Variants in CFAP61 observed in about 807,000 individuals in gnomAD.
The protein encoded by CFAP61 is cilia- and flagella-associated protein 61.
A neutral mutation model predicts 135.6 loss-of-function variants in CFAP61; 107 were observed. That is an observed-to-expected ratio of 0.79 (90% confidence interval 0.67 to 0.93). The LOEUF is 0.93. Among genes scored for constraint, CFAP61 ranks in the 40% least tolerant of loss-of-function variants. CFAP61 has a pLI of 0.00. For synonymous variants in CFAP61, 575 were observed against 578.5 expected (o/e 0.99, Z 0.09); for missense variants, 1,507 against 1,556.2 (o/e 0.97, Z 0.53).
intron 26 of CFAP61, among the ~76,000 whole-genome samples, chr20:20,342,426 C>T (rs535021572): frequency 1.3e-5 from 2 of 152,198 alleles, no homozygotes; most frequent in Admixed American, 6.5e-5. Context: ...AAGGGCTGCA[C>T]GCTCAGCAAG....
At chr20:20,195,648 A>T (rs2056230708) in intron 15 of CFAP61, among the ~76,000 whole-genome samples, 1 of 152,160 alleles carries the variant, frequency 6.6e-6, no homozygotes, top group African/African-American at 2.4e-5. Context: ...ATGGGAAGAC[A>T]CTCATCAGTC....
At chr20:20,225,522 A>G (rs1183766972) in intron 17 of CFAP61, 1 of 152,200 alleles carries the variant, frequency 6.6e-6, no homozygotes, top group East Asian at 1.9e-4. Flanking sequence ...GTGGGAAACA[A>G]AAGCCATTCT....
At chr20:20,108,771 AGTT>A (rs11468049) in intron 8 of CFAP61, among the ~76,000 whole-genome samples, 98,989 of 151,690 alleles carry the variant, frequency 0.65, 32,495 homozygotes, top group East Asian at 0.83. Context: ...GCCAACATGA[AGTT>A]GTTGGAGCAC....
intron 25 of CFAP61, among the ~76,000 whole-genome samples, chr20:20,338,579 G>A (rs1406731511): frequency 3.3e-5 from 5 of 152,230 alleles, no homozygotes; most frequent in Non-Finnish European, 2.9e-5. Context: ...ACCTGCAGTC[G>A]CAGCACTCCT....
At chr20:20,348,797 T>TAA (rs36120926) in intron 26 of CFAP61, among the ~76,000 whole-genome samples, 1,548 of 127,152 alleles carry the variant, frequency 0.012, 8 homozygotes, top group Non-Finnish European at 0.018. Context: ...GTAAAAACAC[T>TAA]AAAAAAAAAA....
At chr20:20,297,001 A>G (rs183460501) in intron 24 of CFAP61, among the ~76,000 whole-genome samples, 220 of 152,124 alleles carry the variant, frequency 1.4e-3, no homozygotes, top group African/African-American at 4.9e-3. Context: ...TTGAAGCACC[A>G]TCCCCCAACC....
At position 20,078,296 on chromosome 20, in the gene CFAP61, G is replaced by A. The variant is rs77233474; in HGVS notation, c.566+2681G>A. ...CTGAGAGGAGGAGTCCATTCCATTG[G>A]TTTGGGGGAGCTTAGAATTTTATTT... On this transcript the variant is annotated intron_variant, in intron 6 of 26. Coordinates refer to ENST00000245957, the MANE Select transcript of CFAP61 (RefSeq NM_015585.4). 3.5e-3 allele frequency among the ~76,000 whole-genome samples: 536 copies of A among 152,284 alleles called. 2 individuals are homozygous for A. The highest frequency in any genetic ancestry group is 0.012 in the African/African-American group (516 of 41,540).
At chr20:20,081,262 C>G (rs2046409956) in intron 6 of CFAP61, among the ~76,000 whole-genome samples, 1 of 152,146 alleles carries the variant, frequency 6.6e-6, no homozygotes, top group Non-Finnish European at 1.5e-5. Context: ...TTACAACTGA[C>G]AAAGGCAAAT....
intron 8 of CFAP61, among the ~76,000 whole-genome samples, chr20:20,109,713 T>C (rs982675135): frequency 2.0e-5 from 3 of 152,216 alleles, no homozygotes; most frequent in African/African-American, 7.2e-5. Context: ...AAGTCATCTT[T>C]GCTTTTTACT....
chr20:20,085,667 T>C (rs2046753407), intron 6 of CFAP61: 2 of 448,568 alleles, frequency 4.5e-6, no homozygotes, highest in Non-Finnish European at 8.1e-6. Context: ...ATCGTATATT[T>C]AAAAGCCTAT....
At chr20:20,224,934 A>G (rs2048631650) in intron 17 of CFAP61, among the ~76,000 whole-genome samples, 1 of 152,150 alleles carries the variant, frequency 6.6e-6, no homozygotes, top group African/African-American at 2.4e-5. Context: ...TTTTATTTTT[A>G]CTTTCTATGA....
intron 18 of CFAP61, among the ~76,000 whole-genome samples, chr20:20,230,660 A>G (rs1397000000): frequency 1.3e-5 from 2 of 152,114 alleles, no homozygotes; most frequent in Non-Finnish European, 2.9e-5. Flanking sequence ...GGTTCAAGCG[A>G]TTCTCTTGCC....
chr20:20,175,339 C>A (rs953684075), intron 13 of CFAP61, among the ~76,000 whole-genome samples: 1 of 152,214 alleles, frequency 6.6e-6, no homozygotes, highest in African/African-American at 2.4e-5. Context: ...GGATCGGCAG[C>A]AGCAGCATCT....
intron 17 of CFAP61, among the ~76,000 whole-genome samples, chr20:20,204,174 G>A (rs1164084183): frequency 6.6e-6 from 1 of 152,132 alleles, no homozygotes; most frequent in African/African-American, 2.4e-5. Context: ...GTTATTTTCA[G>A]AACTAAATCA....
In CFAP61 at chr20:20,085,283, C is replaced by A. The variant is rs1032726663; in HGVS notation, c.567-5561C>A. On this transcript the variant is annotated intron_variant, in intron 6 of 26. Transcript: ENST00000245957. ...AACATTTGACTGCATGAGTTGTTTTCCATAGCTGGGGTGTTTTGTTTCTGT... is the reference window on the plus strand; with the variant it reads ...AACATTTGACTGCATGAGTTGTTTTACATAGCTGGGGTGTTTTGTTTCTGT... 1.1e-5 allele frequency: 11 copies of A among 985,412 alleles called. No homozygotes were observed. The African/African-American group carries it at 1.7e-4, about 16-fold the overall frequency. The allele number at this position is 985,412 out of a possible 1,614,324, so 61.0% of individuals were successfully genotyped here.
At chr20:20,054,009 G>GTTTT (rs1491456523) in intron 1 of CFAP61, among the ~76,000 whole-genome samples, 1 of 88,854 alleles carries the variant, frequency 1.1e-5, no homozygotes, top group African/African-American at 4.0e-5. Flanking sequence ...TGTTTTTTTT[G>GTTTT]TTTGTTTTTT....
intron 8 of CFAP61, among the ~76,000 whole-genome samples, chr20:20,126,887 A>C (rs546688502): frequency 6.6e-6 from 1 of 151,248 alleles, no homozygotes; most frequent in South Asian, 2.1e-4. Context: ...ATAATCCCAG[A>C]CTTCTTGGAG....
At chr20:20,205,983 GTTTATT>G (rs927182100) in intron 17 of CFAP61, among the ~76,000 whole-genome samples, 2 of 147,602 alleles carry the variant, frequency 1.4e-5, no homozygotes, top group Non-Finnish European at 3.0e-5. Context: ...GTAACTACAG[GTTTATT>G]TTTTGGGGTG....
intron 8 of CFAP61, among the ~76,000 whole-genome samples, chr20:20,138,970 G>A (rs186392482): frequency 1.1e-4 from 16 of 152,166 alleles, no homozygotes; most frequent in Admixed American, 3.3e-4. Flanking sequence ...ATATTCAGTT[G>A]GGAATTTGGC....
Sources: allele counts gnomAD v4.1 joint callset (sites outside exome capture counted in the v4.1 genomes callset), GRCh38; gene constraint gnomAD v4.1.1; transcripts MANE v1.5; gene names NCBI Gene and HGNC (gene_info 2026-07-23, HGNC 2026-07-21).